The following CCNB3 variants were observed in gnomAD, a reference collection of about 807,000 sequenced individuals.
CCNB3 encodes cyclin B3.
CCNB3 carries 12 observed loss-of-function variants against 68.0 expected under a neutral mutation model. That is an observed-to-expected ratio of 0.18 (90% CI 0.11 to 0.29). The LOEUF (loss-of-function observed/expected upper bound fraction) is 0.29, where lower values mean the gene tolerates loss of function less well. CCNB3 is among the 10% of genes least tolerant of loss of function. The probability of loss-of-function intolerance (pLI) is 1.00; values close to 1 mark genes in which losing one functional copy is unlikely to be tolerated. For missense variants in CCNB3, 904 were observed against 993.1 expected (o/e 0.91, Z 1.21); for synonymous variants, 354 against 388.9 (o/e 0.91, Z 1.06).
chrX:50,292,670 A>G (rs1557210265), intron 4 of CCNB3, among the ~76,000 whole-genome samples: 1 of 111,051 alleles, frequency 9.0e-6, no homozygotes, highest in African/African-American at 3.3e-5. Context: ...ACTGTTTATT[A>G]TCAGTATGGA....
chrX:50,228,039 G>T (rs1384748905), intron 1 of CCNB3, among the ~76,000 whole-genome samples: 1 of 70,675 alleles, frequency 1.4e-5, no homozygotes, highest in African/African-American at 5.6e-5. Flanking sequence ...TATATAGAGA[G>T]AATATATATA....
chrX:50,337,259 G>T (rs1171457057), intron 8 of CCNB3, among the ~76,000 whole-genome samples: 5 of 110,418 alleles, frequency 4.5e-5, no homozygotes, highest in Non-Finnish European at 9.5e-5. Flanking sequence ...GGAATGGGGA[G>T]CCCTTCCTCT....
At chrX:50,227,829 A>C (rs1169327040) in intron 1 of CCNB3, among the ~76,000 whole-genome samples, 39 of 83,861 alleles carry the variant, frequency 4.7e-4, no homozygotes, top group African/African-American at 1.7e-3. Context: ...GAGAATATAT[A>C]AATATATATA....
chrX:50,322,361 C>T (rs1363047920), intron 8 of CCNB3, among the ~76,000 whole-genome samples: 1 of 111,069 alleles, frequency 9.0e-6, no homozygotes, highest in African/African-American at 3.3e-5. Context: ...AGAAAACTGG[C>T]TAGCCATATG....
intron 1 of CCNB3, among the ~76,000 whole-genome samples, chrX:50,279,626 A>G (rs1252400063): frequency 1.3e-5 from 1 of 75,025 alleles, no homozygotes; most frequent in Admixed American, 1.6e-4. Flanking sequence ...ACATTCATCT[A>G]TGTAAATATA....
At position 50,309,127 on chromosome X, in the gene CCNB3, A is replaced by G. The variant is rs1349253716; in HGVS notation, c.958A>G (p.Thr320Ala). ...AGCAATGTCCTCCATTAAGAAGCCT[A>G]CCACTGAGAAGGAGACACTTTTCCA... is the stretch of plus-strand genomic sequence containing the variant. ...CGAMSSIKKP[T>A]TEKETLFQEL... The change falls in exon 6 of 13, where the codon ACC becomes GCC. Residue 320 changes from threonine to alanine, a missense_variant. This residue lies in a region of CCNB3 where 619 missense variants were observed against 609.8 expected (regional missense o/e 1.02). Coordinates refer to ENST00000376042, the MANE Select transcript of CCNB3 (RefSeq NM_033031.3). 7 of 1,209,137 alleles carry G rather than the reference A, an allele frequency of 5.8e-6. No homozygotes were observed. Among genetic ancestry groups the G allele is most frequent in the Non-Finnish European group, 7.8e-6 (7 of 894,554 alleles).
chrX:50,215,056 C>A (rs1935549358), intron 1 of CCNB3, among the ~76,000 whole-genome samples: 2 of 110,864 alleles, frequency 1.8e-5, no homozygotes, highest in African/African-American at 6.6e-5. Context: ...GTGGCACGAT[C>A]TCGGCTCACT....
intron 1 of CCNB3, among the ~76,000 whole-genome samples, chrX:50,206,246 T>C (rs782538660): frequency 9.9e-6 from 1 of 100,718 alleles, no homozygotes; most frequent in South Asian, 4.5e-4. Context: ...CATCTCAAAA[T>C]AAATAAATAA....
intron 1 of CCNB3, among the ~76,000 whole-genome samples, chrX:50,284,054 A>G (rs183692146): frequency 2.0e-3 from 221 of 111,065 alleles, no homozygotes; most frequent in African/African-American, 7.0e-3. Flanking sequence ...CTTCAGGAAT[A>G]CATTTTTAGC....
chrX:50,279,248 AC>A (rs1433005284), intron 1 of CCNB3, among the ~76,000 whole-genome samples: 10 of 69,633 alleles, frequency 1.4e-4, no homozygotes, highest in South Asian at 9.7e-4. Context: ...GAATATATAT[AC>A]TATATATAAA....
intron 1 of CCNB3, among the ~76,000 whole-genome samples, chrX:50,214,057 C>T (rs1935523649): frequency 9.0e-6 from 1 of 111,030 alleles, no homozygotes; most frequent in Non-Finnish European, 1.9e-5. Context: ...GTTTTCTTGG[C>T]AAGAACACTT....
chrX:50,304,308 T>A (rs1936711390), intron 5 of CCNB3, among the ~76,000 whole-genome samples: 1 of 111,713 alleles, frequency 9.0e-6, no homozygotes, highest in Non-Finnish European at 1.9e-5. Context: ...TTGTTTTGAC[T>A]ATTTTGGGTT....
intron 1 of CCNB3, among the ~76,000 whole-genome samples, chrX:50,281,179 A>G (rs1030246641): frequency 9.0e-6 from 1 of 111,228 alleles, no homozygotes; most frequent in African/African-American, 3.3e-5. Flanking sequence ...GTTGGATTTT[A>G]AAATACCCAG....
At chrX:50,297,444 G>A (rs1255331338) in intron 5 of CCNB3, among the ~76,000 whole-genome samples, 3 of 111,359 alleles carry the variant, frequency 2.7e-5, no homozygotes, top group Non-Finnish European at 3.8e-5. Context: ...AGTTGTTGAT[G>A]TGTGGTATTA....
At chrX:50,321,084 C>G (rs1435939513) in intron 8 of CCNB3, among the ~76,000 whole-genome samples, 1 of 111,156 alleles carries the variant, frequency 9.0e-6, no homozygotes, top group Non-Finnish European at 1.9e-5. Context: ...TTCTCCGGAC[C>G]AAATGACTAG....
intron 1 of CCNB3, among the ~76,000 whole-genome samples, chrX:50,216,826 T>C (rs970135772): frequency 1.8e-5 from 2 of 110,423 alleles, no homozygotes; most frequent in African/African-American, 6.6e-5. Flanking sequence ...TCACATGGCT[T>C]TCACAGTGGT....
chrX:50,338,678 G>T (rs1389096808), intron 8 of CCNB3, among the ~76,000 whole-genome samples: 2 of 112,463 alleles, frequency 1.8e-5, no homozygotes, highest in African/African-American at 6.5e-5. Context: ...CTTTGAGGCA[G>T]AAATTGGTCA....
intron 4 of CCNB3, among the ~76,000 whole-genome samples, chrX:50,291,832 G>A (rs1557210140): frequency 1.8e-5 from 2 of 111,498 alleles, no homozygotes; most frequent in Non-Finnish European, 1.9e-5. Flanking sequence ...GAAAAGCAGA[G>A]GTAGATGACT....
chrX:50,214,475 CATATATATATATATATATATAT>C (rs1184201216), intron 1 of CCNB3, among the ~76,000 whole-genome samples: 20 of 9,490 alleles, frequency 2.1e-3, no homozygotes, highest in South Asian at 0.023. Context: ...AGCTGTGGCC[CATATATATATATATATATATAT>C]ATATATATAT....
Sources: allele counts gnomAD v4.1 joint callset (sites outside exome capture counted in the v4.1 genomes callset), GRCh38; gene constraint gnomAD v4.1.1; regional missense constraint gnomAD v4.1.1; transcripts MANE v1.5; gene names NCBI Gene and HGNC (gene_info 2026-07-23, HGNC 2026-07-21).